ASTN2: variants seen among roughly 807,000 people sequenced by gnomAD.
ASTN2 encodes astrotactin 2.
A neutral mutation model predicts 139.8 loss-of-function variants in ASTN2; 54 were observed. The ratio of observed to expected loss-of-function variants is 0.39; its 90% confidence interval spans 0.31 to 0.48. ASTN2 has a LOEUF of 0.48. Ranked by LOEUF, ASTN2 falls within the 20% of genes least tolerant of loss-of-function variation. The pLI is 0.95. For missense variants in ASTN2, 1,565 were observed against 1,725.1 expected (o/e 0.91, Z 1.64); for synonymous variants, 756 against 719.5 (o/e 1.05, Z -0.81).
At chr9:117,143,554 G>A (rs1209394554) in intron 3 of ASTN2, among the ~76,000 whole-genome samples, 2 of 152,136 alleles carry the variant, frequency 1.3e-5, no homozygotes, top group African/African-American at 4.8e-5. Flanking sequence ...TCATTCAACA[G>A]AATTTACAGA....
At chr9:116,517,497 C>A (rs1438936939) in intron 19 of ASTN2, among the ~76,000 whole-genome samples, 4 of 152,208 alleles carry the variant, frequency 2.6e-5, no homozygotes, top group Non-Finnish European at 4.4e-5. Context: ...ACAAAGGAAT[C>A]TGAACAGTGG....
intron 2 of ASTN2, among the ~76,000 whole-genome samples, chr9:117,241,917 G>A (rs1192462187): frequency 6.8e-6 from 1 of 147,788 alleles, no homozygotes; most frequent in Admixed American, 6.9e-5. Context: ...AGTAGAACGT[G>A]CAAGTTACCC....
chr9:116,805,484 C>T (rs1008983686), intron 13 of ASTN2, 148 bp downstream of exon 13: 18 of 657,906 alleles, frequency 2.7e-5, no homozygotes, highest in Non-Finnish European at 2.8e-5. Flanking sequence ...TGATGACTTT[C>T]CACACTCCTT....
chr9:116,746,335 C>T (rs1829233104), intron 13 of ASTN2, among the ~76,000 whole-genome samples: 2 of 152,118 alleles, frequency 1.3e-5, no homozygotes, highest in Admixed American at 1.3e-4. Context: ...ATCTGCCTGT[C>T]TCAGCCTCCT....
chr9:117,200,158 G>A (rs1170235151), intron 3 of ASTN2, among the ~76,000 whole-genome samples: 1 of 151,554 alleles, frequency 6.6e-6, no homozygotes, highest in African/African-American at 2.4e-5. Flanking sequence ...GTATACATGT[G>A]CCATGTTGGT....
At chr9:117,394,062 T>C (rs1331361714) in intron 1 of ASTN2, among the ~76,000 whole-genome samples, 1 of 152,196 alleles carries the variant, frequency 6.6e-6, no homozygotes, top group Non-Finnish European at 1.5e-5. Context: ...TCAAAATAAA[T>C]TGCCTTAAAC....
chr9:116,892,976 T>C (rs907780026), intron 10 of ASTN2, among the ~76,000 whole-genome samples: 1 of 152,190 alleles, frequency 6.6e-6, no homozygotes, highest in South Asian at 2.1e-4. Flanking sequence ...TTCTATCCCA[T>C]GGCCGATGGC....
At chr9:116,827,984 T>C (rs1831687248) in intron 11 of ASTN2, among the ~76,000 whole-genome samples, 1 of 152,190 alleles carries the variant, frequency 6.6e-6, no homozygotes, top group Admixed American at 6.5e-5. Context: ...ATATAGATGT[T>C]AGTATTTTGC....
chr9:117,301,471 T>C (rs965547257), intron 1 of ASTN2, among the ~76,000 whole-genome samples: 7 of 152,180 alleles, frequency 4.6e-5, no homozygotes, highest in Non-Finnish European at 8.8e-5. Context: ...GTAAAGTAGA[T>C]AGTAGAACAC....
intron 1 of ASTN2, among the ~76,000 whole-genome samples, chr9:117,380,417 C>T (rs1379507578): frequency 1.1e-4 from 16 of 151,688 alleles, no homozygotes; most frequent in African/African-American, 2.4e-4. Context: ...CCATCCTGGC[C>T]GACATGGTGA....
intron 2 of ASTN2, among the ~76,000 whole-genome samples, chr9:117,279,341 G>T (rs770024621): frequency 1.1e-4 from 16 of 152,204 alleles, no homozygotes; most frequent in Non-Finnish European, 2.2e-4. Context: ...CTAGAGAGTT[G>T]TCTTAACCTT....
intron 16 of ASTN2, among the ~76,000 whole-genome samples, chr9:116,710,899 T>A (rs1409642690): frequency 1.3e-5 from 2 of 152,110 alleles, no homozygotes; most frequent in African/African-American, 2.4e-5. Flanking sequence ...ATATGAAACT[T>A]GTTTGACACA....
At chr9:116,438,052 G>A (rs1025301385) in intron 22 of ASTN2, among the ~76,000 whole-genome samples, 20 of 152,010 alleles carry the variant, frequency 1.3e-4, no homozygotes, top group African/African-American at 2.4e-5. Flanking sequence ...TTTCCTTATC[G>A]TCCAAAAAAT....
chr9:116,999,546 T>C (rs1171071848), intron 7 of ASTN2, among the ~76,000 whole-genome samples: 4 of 99,804 alleles, frequency 4.0e-5, no homozygotes, highest in African/African-American at 1.1e-4. Flanking sequence ...CTTTCTCTCT[T>C]TCTTTTTTTT....
At chr9:116,828,175 T>C (rs766935987) in intron 11 of ASTN2, among the ~76,000 whole-genome samples, 11 of 151,952 alleles carry the variant, frequency 7.2e-5, no homozygotes, top group Non-Finnish European at 1.5e-4. Flanking sequence ...CACACGCCTA[T>C]AATCCCAGCT....
intron 6 of ASTN2, among the ~76,000 whole-genome samples, chr9:117,034,570 A>G (rs1460679416): frequency 6.6e-6 from 1 of 152,188 alleles, no homozygotes; most frequent in Non-Finnish European, 1.5e-5. Flanking sequence ...AAAAAAAGTA[A>G]CACTTAAAGA....
intron 10 of ASTN2, among the ~76,000 whole-genome samples, chr9:116,944,673 C>G (rs1413074610): frequency 1.7e-5 from 2 of 116,330 alleles, no homozygotes; most frequent in Non-Finnish European, 3.3e-5. Context: ...CAGAGTAAGA[C>G]TCTGTCTCAA....
intron 20 of ASTN2, among the ~76,000 whole-genome samples, chr9:116,462,080 T>C (rs983322099): frequency 6.6e-6 from 1 of 152,154 alleles, no homozygotes; most frequent in Non-Finnish European, 1.5e-5. Flanking sequence ...CCCAAGCTCA[T>C]CCAACCGGTA....
In ASTN2 at chr9:116,429,232, G is replaced by A. The variant is rs1028449782; in HGVS notation, c.3783-3144C>T. ...TGTATGCCTGTAATCCCAGCTACTC[G>A]GGAGGCTGAAGCTGGAGAATTGCTT... On this transcript the variant is annotated intron_variant, in intron 22 of 22. Coordinates refer to ENST00000313400, the MANE Select transcript of ASTN2 (RefSeq NM_001365068.1). Among the ~76,000 whole-genome samples the A allele has an allele frequency of 2.6e-5, 4 of 151,736 alleles. No homozygotes were observed. In the East Asian group the frequency reaches 5.8e-4, roughly 22 times the overall value.
Sources: gnomAD v4.1 joint callset for allele counts (sites outside exome capture counted in the v4.1 genomes callset) on GRCh38, gnomAD v4.1.1 for gene constraint, MANE v1.5 for transcripts, NCBI Gene and HGNC (gene_info 2026-07-23, HGNC 2026-07-21) for gene names.